Variants in SPECC1L observed in about 807,000 individuals in gnomAD.
SPECC1L encodes cytospin-A.
A neutral mutation model predicts 116.8 loss-of-function variants in SPECC1L; 40 were observed. That is an observed-to-expected ratio of 0.34 (90% CI 0.27 to 0.45). SPECC1L has a LOEUF of 0.45. SPECC1L is among the 20% of genes least tolerant of loss of function. The pLI, the probability that SPECC1L is intolerant of heterozygous loss-of-function variation, is 1.00. For missense variants in SPECC1L, 1,110 were observed against 1,373.6 expected, an observed-to-expected ratio of 0.81 and a Z score of 3.03; for synonymous variants, 504 against 500.6, an observed-to-expected ratio of 1.01 and a Z score of -0.09.
intron 2 of SPECC1L, among the ~76,000 whole-genome samples, chr22:24,282,668 TA>T (rs954643238): frequency 1.1e-4 from 17 of 152,330 alleles, no homozygotes; most frequent in African/African-American, 3.1e-4. Context: ...TGTATTTTTT[TA>T]ATAAGGAATG....
At chr22:24,292,230 C>G (rs538151395) in intron 2 of SPECC1L, among the ~76,000 whole-genome samples, 1 of 152,282 alleles carries the variant, frequency 6.6e-6, no homozygotes, top group South Asian at 2.1e-4. Context: ...TGCAGTATGA[C>G]AATAAGATAA....
chr22:24,363,710 G>A (rs776747804), intron 12 of SPECC1L, among the ~76,000 whole-genome samples: 50 of 152,032 alleles, frequency 3.3e-4, no homozygotes, highest in Non-Finnish European at 6.9e-4. Context: ...CTGATTTAAG[G>A]ACTATAAAGA....
chr22:24,288,614 GC>G (rs2049093951), intron 2 of SPECC1L, among the ~76,000 whole-genome samples: 1 of 81,844 alleles, frequency 1.2e-5, no homozygotes, highest in African/African-American at 5.1e-5. Flanking sequence ...AAAATTTTAA[GC>G]TTTTTTTTTT....
At chr22:24,391,332 C>T (rs906243112) in intron 14 of SPECC1L, among the ~76,000 whole-genome samples, 10 of 152,310 alleles carry the variant, frequency 6.6e-5, no homozygotes, top group Middle Eastern at 3.4e-3. Flanking sequence ...GTACTTACTG[C>T]ATTCTGTTTA....
chr22:24,390,599 T>TTAAAAATAC lies in SPECC1L; in HGVS notation c.3088-20987_3088-20979dup, dbSNP rs2042244147. Among the ~76,000 whole-genome samples, 10 of 152,202 alleles carry TTAAAAATAC rather than the reference T, an allele frequency of 6.6e-5. No homozygotes were observed. The South Asian group carries it at 1.9e-3, about 28-fold the overall frequency. On this transcript the variant is annotated intron_variant, in intron 14 of 16. Transcript: ENST00000314328. ...TGTAAATATCAGTGTGTTCCAGGGG[T>TTAAAAATAC]TAAAAATACTTGAACAAAGGGGAAC...
At chr22:24,371,724 T>C (rs1266955644) in intron 14 of SPECC1L, among the ~76,000 whole-genome samples, 1 of 152,170 alleles carries the variant, frequency 6.6e-6, no homozygotes, top group Non-Finnish European at 1.5e-5. Context: ...GATTGATTGA[T>C]TGATTGATCG....
At chr22:24,369,997 T>G (rs937663625) in intron 14 of SPECC1L, among the ~76,000 whole-genome samples, 1 of 152,262 alleles carries the variant, frequency 6.6e-6, no homozygotes, top group Admixed American at 6.5e-5. Flanking sequence ...TACTCTTGAT[T>G]GCATTTCATG....
chr22:24,380,580 C>A (rs1351423339), intron 14 of SPECC1L, among the ~76,000 whole-genome samples: 1 of 152,240 alleles, frequency 6.6e-6, no homozygotes, highest in Non-Finnish European at 1.5e-5. Flanking sequence ...ACTGTAATTT[C>A]ATTAAGCATC....
chr22:24,368,346 A>G (rs1428895227), intron 13 of SPECC1L, among the ~76,000 whole-genome samples: 1 of 152,158 alleles, frequency 6.6e-6, no homozygotes, highest in East Asian at 1.9e-4. Context: ...CTCCATAAGG[A>G]GATGTTGAAT....
intron 14 of SPECC1L, among the ~76,000 whole-genome samples, chr22:24,385,062 C>CA (rs36080329): frequency 0.1 from 7,876 of 77,840 alleles, 238 homozygotes; most frequent in Non-Finnish European, 0.12. Flanking sequence ...AACTCCGTCT[C>CA]AAAAAAAAAA....
intron 10 of SPECC1L, among the ~76,000 whole-genome samples, chr22:24,342,146 G>T (rs1176343685): frequency 6.6e-6 from 1 of 152,096 alleles, no homozygotes. Flanking sequence ...ATTTTTAAAG[G>T]AATACAGCAA....
Position 24,279,570 on chromosome 22 carries a change from AATTATT to A in SPECC1L, c.-38+2780_-38+2785del, listed in dbSNP as rs56978503. Among the ~76,000 whole-genome samples the A allele has an allele frequency of 9.2e-3, 1,383 of 150,546 alleles. 14 individuals are homozygous for A. Among genetic ancestry groups the A allele is most frequent in the Non-Finnish European group, 0.013 (857 of 67,774 alleles). On this transcript the variant is annotated intron_variant, in intron 2 of 16. Transcript: ENST00000314328. ...TTAGAAATGTACATTTTATTTTTTT[AATTATT>A]ATTATTATTATTTATTATTTTAGAA...
At chr22:24,405,253 C>T (rs1569449845) in intron 14 of SPECC1L, among the ~76,000 whole-genome samples, 1 of 152,054 alleles carries the variant, frequency 6.6e-6, no homozygotes, top group African/African-American at 2.4e-5. Flanking sequence ...TCATCCAAAC[C>T]CCCTTAGAGA....
At chr22:24,313,973 G>T (rs1240737446) in intron 4 of SPECC1L, among the ~76,000 whole-genome samples, 1 of 152,126 alleles carries the variant, frequency 6.6e-6, no homozygotes, top group African/African-American at 2.4e-5. Flanking sequence ...TCCTGACCTT[G>T]TGATCTGCCT....
intron 10 of SPECC1L, among the ~76,000 whole-genome samples, chr22:24,344,257 C>T (rs146359929): frequency 4.3e-4 from 65 of 151,432 alleles, no homozygotes; most frequent in Non-Finnish European, 8.2e-4. Flanking sequence ...TATATAAAAA[C>T]GACAATCCAT....
intron 6 of SPECC1L, 75 bp from the exon 7 acceptor site, chr22:24,328,771 G>A: frequency 4.3e-6 from 5 of 1,151,924 alleles, no homozygotes; most frequent in Non-Finnish European, 6.4e-6. Context: ...TCATATTTAA[G>A]TATCCCTTTT....
At chr22:24,406,430 A>T (rs909224871) in intron 14 of SPECC1L, among the ~76,000 whole-genome samples, 10 of 152,206 alleles carry the variant, frequency 6.6e-5, no homozygotes, top group African/African-American at 2.4e-4. Flanking sequence ...TCTCACAGTC[A>T]TCCAGAGCAG....
chr22:24,322,912 T>C lies in SPECC1L; in HGVS notation c.1932T>C (p.Ile644=). ...RNDANRLQDA[I]AKVEDEYRAF... Reference sequence around the variant, plus strand: ...ATGCCAATCGATTACAGGATGCCATTGCTAAGGTATTGTTTAAATAGATTA... The same window carrying C: ...ATGCCAATCGATTACAGGATGCCATCGCTAAGGTATTGTTTAAATAGATTA... Residue 644 remains isoleucine, a synonymous_variant, in exon 5 of 17, where the codon ATT becomes ATC. Transcript: ENST00000314328. The C allele has an allele frequency of 6.2e-7, 1 of 1,613,956 alleles. No individual in the cohort carries two copies. Among genetic ancestry groups the C allele is most frequent in the African/African-American group, 1.3e-5 (1 of 75,044 alleles).
Position 24,329,314 on chromosome 22 carries a change from T to A in SPECC1L, c.2220+395T>A, listed in dbSNP as rs200879769. Among the ~76,000 whole-genome samples, 4 of 152,366 alleles carry A rather than the reference T, an allele frequency of 2.6e-5. No homozygotes were observed. The East Asian group carries it at 7.7e-4, about 29-fold the overall frequency. ...AAGAATCTTAAATCTGAAATGCTTT[T>A]GGATAAGTGATACTCGACCTGTAGA... On this transcript the variant is annotated intron_variant, in intron 7 of 16. Transcript: ENST00000314328.
Sources: gnomAD v4.1 joint callset for allele counts (sites outside exome capture counted in the v4.1 genomes callset) on GRCh38, gnomAD v4.1.1 for gene constraint, MANE v1.5 for transcripts, NCBI Gene and HGNC (gene_info 2026-07-23, HGNC 2026-07-21) for gene names.